DNER: variants seen among roughly 807,000 people sequenced by gnomAD.
The protein encoded by DNER is delta/notch like EGF repeat containing, also known as delta and Notch-like epidermal growth factor-related receptor.
Under a neutral mutation model 78.2 loss-of-function variants are expected in DNER, and 33 were observed. The observed-to-expected ratio is 0.42, with a 90% CI of 0.32 to 0.56. The LOEUF is 0.56. Ranked by LOEUF, DNER falls within the 20% of genes least tolerant of loss-of-function variation. DNER has a pLI of 0.11. For missense variants in DNER, 918 were observed against 975.3 expected (o/e 0.94, Z 0.78); for synonymous variants, 417 against 384.8 (o/e 1.08, Z -0.98).
At chr2:229,543,929 T>C (rs1020104254) in intron 5 of DNER, among the ~76,000 whole-genome samples, 1 of 152,186 alleles carries the variant, frequency 6.6e-6, no homozygotes, top group Non-Finnish European at 1.5e-5. Context: ...ATAAAATTCC[T>C]CCTATTAGTC....
At chr2:229,499,068 A>G (rs181050640) in intron 6 of DNER, among the ~76,000 whole-genome samples, 1 of 152,336 alleles carries the variant, frequency 6.6e-6, no homozygotes, top group Admixed American at 6.5e-5. Context: ...ACAGATGCAT[A>G]CTAATGGAAC....
At chr2:229,657,280 C>T (rs1340887213) in intron 1 of DNER, among the ~76,000 whole-genome samples, 1 of 152,172 alleles carries the variant, frequency 6.6e-6, no homozygotes, top group East Asian at 1.9e-4. Flanking sequence ...GCATAATGTC[C>T]TCCAGGTTCA....
intron 6 of DNER, among the ~76,000 whole-genome samples, chr2:229,481,064 A>G (rs1695147511): frequency 1.3e-5 from 2 of 152,196 alleles, no homozygotes; most frequent in South Asian, 4.1e-4. Flanking sequence ...GGCCAGTGCT[A>G]CTGGCAATAA....
At chr2:229,361,402 G>C (rs1252925780) in intron 12 of DNER, among the ~76,000 whole-genome samples, 1 of 152,006 alleles carries the variant, frequency 6.6e-6, no homozygotes, top group African/African-American at 2.4e-5. Flanking sequence ...ATAGACTAGG[G>C]GTTAGCAAAC....
chr2:229,563,649 CATCACCCCATCACCATCATCATCAACATT>C (rs1372169349), intron 4 of DNER, among the ~76,000 whole-genome samples: 9 of 148,954 alleles, frequency 6.0e-5, no homozygotes, highest in African/African-American at 2.2e-4. Context: ...TCAACATCAT[CATCACCCCATCACCATCATCATCAACATT>C]ATCACCCCAT....
chr2:229,525,241 A>G (rs895469895), intron 5 of DNER, among the ~76,000 whole-genome samples: 1 of 152,210 alleles, frequency 6.6e-6, no homozygotes, highest in East Asian at 1.9e-4. Context: ...TCTTTGCCTC[A>G]GTCTTCACAT....
intron 10 of DNER, among the ~76,000 whole-genome samples, chr2:229,400,007 C>T (rs1479422878): frequency 6.6e-6 from 1 of 151,864 alleles, no homozygotes; most frequent in African/African-American, 2.4e-5. Context: ...ATAAGTGGTA[C>T]ATAAACACAA....
chr2:229,688,160 C>A (rs760542006), intron 1 of DNER, among the ~76,000 whole-genome samples: 1 of 152,222 alleles, frequency 6.6e-6, no homozygotes, highest in Non-Finnish European at 1.5e-5. Context: ...ACCAAACGGA[C>A]CTTCCTGGAA....
intron 4 of DNER, among the ~76,000 whole-genome samples, chr2:229,562,432 G>T (rs1696977603): frequency 6.6e-6 from 1 of 152,216 alleles, no homozygotes; most frequent in South Asian, 2.1e-4. Context: ...ATTAAATAGG[G>T]ATATATGAAA....
rs189494398 is a variant in DNER, at chr2:229,423,492, G to A, written c.1487-5262C>T. The stretch of plus-strand genomic sequence containing the variant: ...TAGCCAGGCGTGGTGGTGGGCGCCT[G>A]TAATCCCAGCTACTTGGGAGGCTGT... On this transcript the variant is annotated intron_variant, in intron 8 of 12. Coordinates refer to ENST00000341772, the MANE Select transcript of DNER (RefSeq NM_139072.4). 7.9e-5 allele frequency among the ~76,000 whole-genome samples: 12 copies of A among 151,926 alleles called. No individual in the cohort carries two copies. The East Asian group carries it at 1.8e-3, about 22-fold the overall frequency.
At chr2:229,416,230 T>C (rs1321627235) in intron 9 of DNER, among the ~76,000 whole-genome samples, 2 of 152,236 alleles carry the variant, frequency 1.3e-5, no homozygotes, top group Non-Finnish European at 2.9e-5. Flanking sequence ...TCCTCCTTTT[T>C]ATTCAGATCC....
At chr2:229,590,378 A>T (rs1182787212) in intron 2 of DNER, among the ~76,000 whole-genome samples, 6 of 152,260 alleles carry the variant, frequency 3.9e-5, no homozygotes, top group Non-Finnish European at 7.3e-5. Flanking sequence ...TTCTAAAAAT[A>T]TGTCAAAATC....
intron 8 of DNER, among the ~76,000 whole-genome samples, chr2:229,420,121 T>C (rs150603866): frequency 5.3e-5 from 8 of 152,134 alleles, no homozygotes; most frequent in African/African-American, 1.7e-4. Flanking sequence ...TAAAGTTTTA[T>C]TGGGACACAG....
chr2:229,465,672 G>C (rs1444750973), intron 7 of DNER, among the ~76,000 whole-genome samples: 1 of 152,162 alleles, frequency 6.6e-6, no homozygotes, highest in African/African-American at 2.4e-5. Flanking sequence ...AGATCACTTA[G>C]TGATTTGTAT....
chr2:229,467,465 G>A (rs1045559828), intron 7 of DNER, among the ~76,000 whole-genome samples: 6 of 152,284 alleles, frequency 3.9e-5, no homozygotes, highest in Middle Eastern at 3.4e-3. Flanking sequence ...TCTGTTCAAC[G>A]TTGTCTTGGG....
chr2:229,618,247 T>G (rs1262270303), intron 1 of DNER, among the ~76,000 whole-genome samples: 1 of 152,134 alleles, frequency 6.6e-6, no homozygotes, highest in Non-Finnish European at 1.5e-5. Context: ...AAATACATAG[T>G]GTTATTACAC....
intron 11 of DNER, among the ~76,000 whole-genome samples, chr2:229,380,001 C>A (rs1388179380): frequency 6.6e-6 from 1 of 152,166 alleles, no homozygotes; most frequent in African/African-American, 2.4e-5. Flanking sequence ...AAGGGGGAGG[C>A]CTATAACAAT....
chr2:229,704,766 G>T (rs1024444049), intron 1 of DNER, among the ~76,000 whole-genome samples: 3 of 152,210 alleles, frequency 2.0e-5, no homozygotes, highest in African/African-American at 7.2e-5. Flanking sequence ...TGAATGCCAA[G>T]AAGAGTGAAT....
chr2:229,653,937 G>A (rs908610364), intron 1 of DNER, among the ~76,000 whole-genome samples: 7 of 152,196 alleles, frequency 4.6e-5, no homozygotes, highest in Admixed American at 4.6e-4. Context: ...CAAAAGTCAT[G>A]AGGACGTTCA....
Sources: gnomAD v4.1 joint callset for allele counts (sites outside exome capture counted in the v4.1 genomes callset) on GRCh38, gnomAD v4.1.1 for gene constraint, MANE v1.5 for transcripts, NCBI Gene and HGNC (gene_info 2026-07-23, HGNC 2026-07-21) for gene names.